The following PTPRG variants were observed in gnomAD, a reference collection of about 807,000 sequenced individuals.
PTPRG encodes the protein protein tyrosine phosphatase receptor type G.
A neutral mutation model predicts 165.3 loss-of-function variants in PTPRG; 102 were observed. The ratio of observed to expected loss-of-function variants is 0.62; its 90% CI spans 0.53 to 0.73. The LOEUF is 0.73. PTPRG is among the 30% of genes least tolerant of loss of function. PTPRG has a pLI of 0.00. For missense variants in PTPRG, 1,866 were observed against 1,861.4 expected (o/e 1.00, Z -0.05); for synonymous variants, 675 against 669.5 (o/e 1.01, Z -0.13).
intron 4 of PTPRG, among the ~76,000 whole-genome samples, chr3:62,031,207 G>A (rs892655128): frequency 6.6e-6 from 1 of 152,174 alleles, no homozygotes; most frequent in African/African-American, 2.4e-5. Context: ...AATTACAATT[G>A]TAATACAACA....
At chr3:61,615,387 G>A (rs1375047678) in intron 1 of PTPRG, among the ~76,000 whole-genome samples, 1 of 152,208 alleles carries the variant, frequency 6.6e-6, no homozygotes, top group Non-Finnish European at 1.5e-5. Context: ...GTTTTGGTTT[G>A]TCTGAGGTTT....
intron 2 of PTPRG, among the ~76,000 whole-genome samples, chr3:61,968,859 A>G (rs1457432321): frequency 2.0e-5 from 3 of 152,320 alleles, no homozygotes; most frequent in East Asian, 1.9e-4. Context: ...CAGTTGGTCA[A>G]CTTTAAAGAA....
At chr3:61,964,197 A>AGG (rs2040217489) in intron 2 of PTPRG, among the ~76,000 whole-genome samples, 1 of 152,242 alleles carries the variant, frequency 6.6e-6, no homozygotes, top group South Asian at 2.1e-4. Context: ...GATGGGAAAG[A>AGG]GGGGACAATT....
At chr3:62,100,877 G>T (rs1702268593) in intron 5 of PTPRG, among the ~76,000 whole-genome samples, 1 of 151,996 alleles carries the variant, frequency 6.6e-6, no homozygotes, top group African/African-American at 2.4e-5. Context: ...TTGGTCTTTT[G>T]CTGGTGAGAA....
chr3:62,265,710 T>C (rs941408694), intron 17 of PTPRG, among the ~76,000 whole-genome samples: 1 of 152,048 alleles, frequency 6.6e-6, no homozygotes, highest in Non-Finnish European at 1.5e-5. Context: ...ACTTTGGCAG[T>C]ATTTGTTGGC....
chr3:62,271,630 T>G lies in PTPRG; in HGVS notation c.3182+75T>G. On this transcript the variant is annotated intron_variant, in intron 21 of 29. Coordinates refer to ENST00000474889, the MANE Select transcript of PTPRG (RefSeq NM_002841.4). The surrounding 1 kb of genome is among the most constrained non-coding windows in gnomAD (Gnocchi z 4.1). ...CCTCAGTGACCTTGGACCACAATGA[T>G]TGCTACTGCTTTCACTTAGAAGCTG... The G allele has an allele frequency of 7.5e-7, 1 of 1,337,120 alleles. No individual in the cohort carries two copies. Among genetic ancestry groups the G allele is most frequent in the South Asian group, 1.5e-5 (1 of 67,646 alleles). 82.8% of individuals were successfully genotyped at this position (1,337,120 alleles called of 1,614,324 possible). A position where few individuals can be genotyped will look rare whatever the true frequency, so the allele number is the denominator to read the frequency against.
intron 28 of PTPRG, among the ~76,000 whole-genome samples, chr3:62,289,685 C>G (rs1328498068): frequency 7.0e-6 from 1 of 143,240 alleles, no homozygotes; most frequent in African/African-American, 2.5e-5. Context: ...AATAAAACAA[C>G]ACCCATTCAT....
chr3:61,599,738 C>T (rs975373317), intron 1 of PTPRG, among the ~76,000 whole-genome samples: 1 of 152,016 alleles, frequency 6.6e-6, no homozygotes, highest in African/African-American at 2.4e-5. Context: ...AAGTGATCTG[C>T]ACGCCTTGGC....
At chr3:62,079,704 A>G (rs1701501126) in intron 5 of PTPRG, among the ~76,000 whole-genome samples, 1 of 152,222 alleles carries the variant, frequency 6.6e-6, no homozygotes, top group South Asian at 2.1e-4. Flanking sequence ...AATAGAGCAT[A>G]GTGTTTTAAG....
rs750089683 is a variant in PTPRG, at chr3:62,210,090, G to A, written c.2155+6140G>A. Among the ~76,000 whole-genome samples, 1 of 152,132 alleles carries A rather than the reference G, an allele frequency of 6.6e-6. No individual in the cohort carries two copies. Among genetic ancestry groups the A allele is most frequent in the Non-Finnish European group, 1.5e-5 (1 of 68,032 alleles). ...CCCACCACCTAATTGAAATAGAGAT[G>A]ACAGACCATCATTTTGATTGTTTGA... is the stretch of plus-strand genomic sequence containing the variant. On this transcript the variant is annotated intron_variant, in intron 12 of 29. Coordinates refer to ENST00000474889, the MANE Select transcript of PTPRG (RefSeq NM_002841.4). This position sits in a 1 kb window ranked among gnomAD's most constrained non-coding sequence, Gnocchi z 4.1.
At chr3:61,754,595 C>T (rs141908320) in intron 2 of PTPRG, among the ~76,000 whole-genome samples, 32 of 152,206 alleles carry the variant, frequency 2.1e-4, no homozygotes, top group Non-Finnish European at 3.4e-4. Context: ...AGTGGATACA[C>T]GGATAAATTA....
At chr3:61,877,922 C>T (rs1208515708) in intron 2 of PTPRG, among the ~76,000 whole-genome samples, 1 of 152,170 alleles carries the variant, frequency 6.6e-6, no homozygotes, top group Non-Finnish European at 1.5e-5. Flanking sequence ...ATGTCCCTAT[C>T]ATTCTTTGAG....
intron 2 of PTPRG, among the ~76,000 whole-genome samples, chr3:61,830,566 GTTTTTT>G (rs57644199): frequency 0.013 from 1,096 of 86,484 alleles, 7 homozygotes; most frequent in African/African-American, 0.033. Flanking sequence ...TTTTGTTTTT[GTTTTTT>G]TTTTTTTTTT....
chr3:61,836,507 C>T (rs1306836291), intron 2 of PTPRG, among the ~76,000 whole-genome samples: 1 of 152,178 alleles, frequency 6.6e-6, no homozygotes, highest in Non-Finnish European at 1.5e-5. Context: ...TAAAATATAG[C>T]AGCTACTATT....
At chr3:62,268,897 G>A (rs1381558997) in intron 19 of PTPRG, 138 bp from the exon 20 acceptor site, 17 of 963,872 alleles carry the variant, frequency 1.8e-5, no homozygotes, top group Non-Finnish European at 1.4e-6. Context: ...CCTTTAAGCA[G>A]TTAAACTCAC....
rs138787477 is a variant in PTPRG at position 62,123,022 on chromosome 3, C to T, written c.616-9580C>T. Among the ~76,000 whole-genome samples the T allele has an allele frequency of 7.1e-4, 108 of 152,294 alleles. 1 individual carries two copies. The East Asian group carries it at 0.01, about 14-fold the overall frequency. On this transcript the variant is annotated intron_variant, in intron 5 of 29. Coordinates refer to ENST00000474889, the MANE Select transcript of PTPRG (RefSeq NM_002841.4). The stretch of plus-strand genomic sequence containing the variant: ...ATTCCGCTACTCAGTTCTTGGCATA[C>T]GGTTATCTACTGATATGGAGCAAAT...
intron 8 of PTPRG, among the ~76,000 whole-genome samples, chr3:62,176,003 G>C (rs1418952468): frequency 6.6e-6 from 1 of 152,216 alleles, no homozygotes; most frequent in Non-Finnish European, 1.5e-5. Flanking sequence ...TAGGAGTTAA[G>C]ATCTTCTAGC....
chr3:62,007,591 G>T (rs565369282), intron 4 of PTPRG, among the ~76,000 whole-genome samples: 80 of 152,278 alleles, frequency 5.3e-4, no homozygotes, highest in African/African-American at 1.9e-3. Context: ...ACCTGTGCTG[G>T]TACACAAAGA....
At chr3:62,106,366 C>T in intron 5 of PTPRG, among the ~76,000 whole-genome samples, 1 of 152,192 alleles carries the variant, frequency 6.6e-6, no homozygotes. Flanking sequence ...AGTCATAACT[C>T]AGGAAAGTGA....
Sources: gnomAD v4.1 joint callset for allele counts (sites outside exome capture counted in the v4.1 genomes callset) on GRCh38, gnomAD v4.1.1 for gene constraint, Gnocchi (gnomAD v3.1) non-coding constraint, MANE v1.5 for transcripts, NCBI Gene and HGNC (gene_info 2026-07-23, HGNC 2026-07-21) for gene names.